ANKRD6: variants seen among roughly 807,000 people sequenced by gnomAD.
ANKRD6 encodes ankyrin repeat domain-containing protein 6.
A neutral mutation model predicts 82.3 loss-of-function variants in ANKRD6; 56 were observed. The observed-to-expected ratio is 0.68, with a 90% CI of 0.55 to 0.85. The LOEUF is 0.85. Ranked by LOEUF, ANKRD6 falls within the 40% of genes least tolerant of loss-of-function variation. The pLI, the probability that ANKRD6 is intolerant of heterozygous loss-of-function variation, is 0.00. For missense variants in ANKRD6, 852 were observed against 907.6 expected, an observed-to-expected ratio of 0.94 and a Z score of 0.79; for synonymous variants, 347 against 352.1, an observed-to-expected ratio of 0.99 and a Z score of 0.16.
chr6:89,542,781 A>G (rs1562767627), intron 1 of ANKRD6, among the ~76,000 whole-genome samples: 1 of 152,246 alleles, frequency 6.6e-6, no homozygotes, highest in Non-Finnish European at 1.5e-5. Flanking sequence ...GATCACCAGT[A>G]TAAGTAATTC....
At chr6:89,453,780 T>TTTTTA (rs140606922) in intron 1 of ANKRD6, among the ~76,000 whole-genome samples, 17 of 149,646 alleles carry the variant, frequency 1.1e-4, no homozygotes, top group East Asian at 3.9e-4. Context: ...TTATTTAATA[T>TTTTTA]TTTTATTTTA....
chr6:89,594,498 T>C (rs1424841830), intron 2 of ANKRD6, among the ~76,000 whole-genome samples: 1 of 152,114 alleles, frequency 6.6e-6, no homozygotes, highest in Admixed American at 6.5e-5. Context: ...ACACAATGTT[T>C]ATATATATTG....
chr6:89,540,639 A>G (rs954723206), intron 1 of ANKRD6, among the ~76,000 whole-genome samples: 8 of 152,024 alleles, frequency 5.3e-5, no homozygotes, highest in Admixed American at 1.3e-4. Flanking sequence ...GATATGACCC[A>G]TTTGTCCATT....
chr6:89,447,656 T>TA (rs1417270629), intron 1 of ANKRD6, among the ~76,000 whole-genome samples: 1 of 152,244 alleles, frequency 6.6e-6, no homozygotes, highest in Non-Finnish European at 1.5e-5. Context: ...AACAGCCTTC[T>TA]ACTGGAAGGA....
intron 1 of ANKRD6, among the ~76,000 whole-genome samples, chr6:89,564,133 G>T (rs2128059111): frequency 6.6e-6 from 1 of 152,310 alleles, no homozygotes; most frequent in South Asian, 2.1e-4. Flanking sequence ...GTTGGCAACA[G>T]ACTAGGAATT....
intron 1 of ANKRD6, among the ~76,000 whole-genome samples, chr6:89,538,283 A>G (rs990758914): frequency 1.3e-5 from 2 of 152,154 alleles, no homozygotes; most frequent in African/African-American, 4.8e-5. Flanking sequence ...TTTGTCTTTT[A>G]CAGCAGAGCT....
intron 1 of ANKRD6, among the ~76,000 whole-genome samples, chr6:89,549,165 G>A (rs13203507): frequency 4.6e-5 from 7 of 152,218 alleles, no homozygotes; most frequent in South Asian, 2.1e-4. Flanking sequence ...AGCCATGAGC[G>A]CGCCACTGCA....
chr6:89,477,774 A>C (rs1398222850), intron 1 of ANKRD6, among the ~76,000 whole-genome samples: 1 of 151,364 alleles, frequency 6.6e-6, no homozygotes, highest in Non-Finnish European at 1.5e-5. Context: ...CCGTCTCAAA[A>C]AAAAAAAAAA....
chr6:89,582,664 A>G (rs1467954767), intron 2 of ANKRD6, among the ~76,000 whole-genome samples: 1 of 91,498 alleles, frequency 1.1e-5, no homozygotes, highest in East Asian at 3.4e-4. Flanking sequence ...CCTGCCAGCC[A>G]CCATTCCACT....
intron 15 of ANKRD6, 133 bp downstream of exon 15, chr6:89,629,371 G>A: frequency 1.5e-6 from 2 of 1,297,300 alleles, no homozygotes; most frequent in Non-Finnish European, 1.1e-6. Context: ...CTCTGTAGGG[G>A]CAAGGACTGT....
At chr6:89,588,250 A>G (rs1794177014) in intron 2 of ANKRD6, among the ~76,000 whole-genome samples, 1 of 152,222 alleles carries the variant, frequency 6.6e-6, no homozygotes, top group South Asian at 2.1e-4. Flanking sequence ...TCTTCAGCCA[A>G]ATGAAACTCT....
intron 1 of ANKRD6, among the ~76,000 whole-genome samples, chr6:89,507,166 G>T (rs2127920877): frequency 6.6e-6 from 1 of 152,094 alleles, no homozygotes. Flanking sequence ...GGCAGATTTT[G>T]GTTTGTTTAT....
intron 1 of ANKRD6, among the ~76,000 whole-genome samples, chr6:89,540,115 A>G (rs1784297027): frequency 6.6e-6 from 1 of 152,050 alleles, no homozygotes; most frequent in Non-Finnish European, 1.5e-5. Flanking sequence ...TTTTTTTTTG[A>G]TACACTGGTT....
chr6:89,569,163 C>T (rs1363479829), intron 2 of ANKRD6, among the ~76,000 whole-genome samples: 1 of 152,118 alleles, frequency 6.6e-6, no homozygotes, highest in Non-Finnish European at 1.5e-5. Flanking sequence ...GACCCACCCA[C>T]CTTGGCCTCC....
chr6:89,547,912 G>A (rs530978453), intron 1 of ANKRD6, among the ~76,000 whole-genome samples: 2 of 151,956 alleles, frequency 1.3e-5, no homozygotes, highest in East Asian at 3.9e-4. Context: ...TATCACCCTC[G>A]TTTTACAAAG....
At chr6:89,600,255 C>T (rs184056072) in intron 3 of ANKRD6, among the ~76,000 whole-genome samples, 21 of 152,268 alleles carry the variant, frequency 1.4e-4, no homozygotes, top group Non-Finnish European at 2.8e-4. Flanking sequence ...TGGTGCCATT[C>T]CGGCTCCAAA....
chr6:89,591,980 G>A (rs1222683897), intron 2 of ANKRD6, among the ~76,000 whole-genome samples: 1 of 152,216 alleles, frequency 6.6e-6, no homozygotes, highest in Non-Finnish European at 1.5e-5. Context: ...CCTGAGTGCT[G>A]TGCGAGGCCA....
chr6:89,485,205 A>G (rs554716644), intron 1 of ANKRD6, among the ~76,000 whole-genome samples: 6 of 152,326 alleles, frequency 3.9e-5, no homozygotes, highest in East Asian at 1.9e-4. Context: ...TGTCAAGTTC[A>G]TAAGTGGAGT....
At chr6:89,580,042 A>G (rs1792138094) in intron 2 of ANKRD6, among the ~76,000 whole-genome samples, 1 of 152,114 alleles carries the variant, frequency 6.6e-6, no homozygotes, top group African/African-American at 2.4e-5. Context: ...AGATGGTGGG[A>G]AATTATTGAC....
Sources: gnomAD v4.1 joint callset for allele counts (sites outside exome capture counted in the v4.1 genomes callset) on GRCh38, gnomAD v4.1.1 for gene constraint, MANE v1.5 for transcripts, NCBI Gene and HGNC (gene_info 2026-07-23, HGNC 2026-07-21) for gene names.